The following TBK1 variants were observed in gnomAD, a reference collection of about 807,000 sequenced individuals.
TBK1 encodes the protein TANK binding kinase 1, also known as serine/threonine-protein kinase TBK1.
In TBK1, 37 loss-of-function variants were observed where a neutral mutation model predicts 99.9. That is an observed-to-expected ratio of 0.37 (90% CI 0.28 to 0.49). The LOEUF (loss-of-function observed/expected upper bound fraction) is 0.49. TBK1 is among the 20% of genes least tolerant of loss of function. The probability of loss-of-function intolerance (pLI) is 0.98; values close to 1 mark genes in which losing one functional copy is unlikely to be tolerated. For missense variants in TBK1, 644 were observed against 872.5 expected (o/e 0.74, Z 3.30); for synonymous variants, 258 against 279.8 (o/e 0.92, Z 0.78).
intron 1 of TBK1, among the ~76,000 whole-genome samples, chr12:64,455,066 C>G (rs2040472492): frequency 6.8e-6 from 1 of 147,854 alleles, no homozygotes; most frequent in African/African-American, 2.5e-5. Flanking sequence ...CAGCTCACTG[C>G]AGCCTCTGCT....
intron 3 of TBK1, among the ~76,000 whole-genome samples, chr12:64,461,849 A>G (rs2040551982): frequency 6.6e-6 from 1 of 152,248 alleles, no homozygotes; most frequent in South Asian, 2.1e-4. Context: ...TTATTGTAGC[A>G]AAAAGATAGA....
chr12:64,464,183 G>T, intron 3 of TBK1, 151 bp from the exon 4 acceptor site: 1 of 518,588 alleles, frequency 1.9e-6, no homozygotes, highest in Admixed American at 3.5e-5. Context: ...ATTCTTATAT[G>T]TGTATGTTCA....
At chr12:64,469,443 A>G (rs1309960475) in intron 5 of TBK1, among the ~76,000 whole-genome samples, 2 of 152,096 alleles carry the variant, frequency 1.3e-5, no homozygotes, top group Non-Finnish European at 2.9e-5. Flanking sequence ...CTGGGCCTCA[A>G]CATGTGACTG....
intron 12 of TBK1, among the ~76,000 whole-genome samples, chr12:64,489,016 G>C (rs1041588189): frequency 2.0e-5 from 3 of 152,022 alleles, no homozygotes; most frequent in African/African-American, 7.2e-5. Context: ...ATAAAGATCA[G>C]CCTTAGATTA....
chr12:64,488,398 T>G (rs1278755544), intron 11 of TBK1, 89 bp from the exon 12 acceptor site: 18 of 639,650 alleles, frequency 2.8e-5, no homozygotes. Context: ...TATAAAATGT[T>G]TTTGAACTGT....
At chr12:64,463,646 C>T (rs1310809246) in intron 3 of TBK1, among the ~76,000 whole-genome samples, 2 of 149,248 alleles carry the variant, frequency 1.3e-5, no homozygotes, top group Non-Finnish European at 3.0e-5. Flanking sequence ...TTGCAGTGAG[C>T]CAAGATCGTA....
At chr12:64,453,926 G>A (rs917415950) in intron 1 of TBK1, among the ~76,000 whole-genome samples, 2 of 152,080 alleles carry the variant, frequency 1.3e-5, no homozygotes, top group African/African-American at 2.4e-5. Context: ...TTCCAGAAGA[G>A]TTCGTAACTT....
At chr12:64,482,875 A>G (rs183019690) in intron 8 of TBK1, among the ~76,000 whole-genome samples, 1 of 152,330 alleles carries the variant, frequency 6.6e-6, no homozygotes, top group East Asian at 1.9e-4. Context: ...TCATTAAGCA[A>G]TGCATGACTG....
At chr12:64,490,226 G>T (rs2040856436) in intron 13 of TBK1, 107 bp downstream of exon 13, 2 of 660,398 alleles carry the variant, frequency 3.0e-6, no homozygotes, top group South Asian at 5.1e-5. Context: ...TACACACCTA[G>T]AGTCGCAACT....
chr12:64,464,056 G>A (rs1279407401), intron 3 of TBK1, among the ~76,000 whole-genome samples: 2 of 151,986 alleles, frequency 1.3e-5, no homozygotes, highest in Non-Finnish European at 2.9e-5. Context: ...TAGAGACCGG[G>A]TTTCAGCATG....
At chr12:64,478,778 T>A (rs1242669916) in intron 6 of TBK1, among the ~76,000 whole-genome samples, 2 of 152,220 alleles carry the variant, frequency 1.3e-5, no homozygotes, top group Non-Finnish European at 2.9e-5. Flanking sequence ...ACTGATAATT[T>A]GTGTTTTTCT....
chr12:64,460,478 G>T (rs2040535644), intron 3 of TBK1, 149 bp downstream of exon 3: 1 of 515,698 alleles, frequency 1.9e-6, no homozygotes, highest in African/African-American at 2.0e-5. Context: ...TGAATATATA[G>T]AACAATAGAA....
intron 1 of TBK1, among the ~76,000 whole-genome samples, chr12:64,455,346 AACTT>A (rs1451584092): frequency 6.6e-6 from 1 of 152,164 alleles, no homozygotes. Flanking sequence ...AGTGTATACT[AACTT>A]ACAGGGAAAA....
chr12:64,490,871 G>A (rs899218800), intron 13 of TBK1, among the ~76,000 whole-genome samples: 3 of 149,610 alleles, frequency 2.0e-5, no homozygotes, highest in Non-Finnish European at 4.4e-5. Context: ...GTAGTGAGTC[G>A]AGATCACACC....
In TBK1 at chr12:64,474,376, G is replaced by A; in HGVS notation, c.687G>A (p.Arg229=). The change falls in exon 6 of 21, where the codon AGG becomes AGA. Residue 229 remains arginine (R), a synonymous_variant. Coordinates refer to ENST00000331710, the MANE Select transcript of TBK1 (RefSeq NM_013254.4). ...LPFRPFEGPR[R]NKEVMYKIIT... Reference sequence around the variant, plus strand: ...TTAGACCCTTTGAAGGGCCTCGTAGGAATAAAGAAGTGATGTAAGTGGTTT... The same window carrying A: ...TTAGACCCTTTGAAGGGCCTCGTAGAAATAAAGAAGTGATGTAAGTGGTTT... 1.2e-6 allele frequency: 2 copies of A among 1,610,034 alleles called. No homozygotes were observed. Among genetic ancestry groups the A allele is most frequent in the Non-Finnish European group, 1.7e-6 (2 of 1,178,828 alleles).
At chr12:64,453,569 T>C (rs987793647) in intron 1 of TBK1, among the ~76,000 whole-genome samples, 5 of 152,190 alleles carry the variant, frequency 3.3e-5, no homozygotes, top group Non-Finnish European at 7.3e-5. Flanking sequence ...ATTGGTAAAA[T>C]TGAGACCCCT....
In TBK1 at chr12:64,482,007, T is replaced by A. The variant is rs7486100; in HGVS notation, c.978T>A (p.Ile326=). ...LQQMTAHKIY[I]HSYNTATIFH... ...AAATGACAGCTCATAAGATTTATAT[T>A]CATAGCTATAATACGTAAGTATCTC... The change falls in exon 8 of 21, where the codon ATT becomes ATA. Residue 326 remains isoleucine, a synonymous_variant. Coordinates refer to ENST00000331710, the MANE Select transcript of TBK1 (RefSeq NM_013254.4). The A allele has an allele frequency of 0.52, 825,296 of 1,572,000 alleles. 225,423 individuals carry two copies. The highest frequency in any genetic ancestry group is 0.57 in the Non-Finnish European group (656,213 of 1,156,444).
intron 4 of TBK1, among the ~76,000 whole-genome samples, chr12:64,466,664 G>C (rs2040607625): frequency 6.6e-6 from 1 of 151,938 alleles, no homozygotes; most frequent in Non-Finnish European, 1.5e-5. Flanking sequence ...GTACTTAAGA[G>C]ACACTGGATT....
At position 64,456,036 on chromosome 12, in the gene TBK1, G is replaced by T. The variant is rs1592350940; in HGVS notation, c.87+79G>T. On this transcript the variant is annotated intron_variant, in intron 2 of 20. Coordinates refer to ENST00000331710, the MANE Select transcript of TBK1 (RefSeq NM_013254.4). ...AAGATGCATGTTGACACTAAAGTGT[G>T]TGACTTGGTGATTTTGATCCCTTTG... 6 of 1,006,852 alleles carry T rather than the reference G, an allele frequency of 6.0e-6. No homozygotes were observed. The East Asian group carries it at 1.5e-4, about 25-fold the overall frequency. The allele number at this position is 1,006,852 out of a possible 1,614,324, so 62.4% of individuals were successfully genotyped here.
Sources: gnomAD v4.1 joint callset for allele counts (sites outside exome capture counted in the v4.1 genomes callset) on GRCh38, gnomAD v4.1.1 for gene constraint, MANE v1.5 for transcripts, NCBI Gene and HGNC (gene_info 2026-07-23, HGNC 2026-07-21) for gene names.